The following EDIL3 variants were observed in gnomAD, a reference collection of about 807,000 sequenced individuals.
EDIL3 encodes EGF like and discoidin domains 3.
EDIL3 carries 37 observed loss-of-function variants against 67.4 expected under a neutral mutation model. The ratio of observed to expected loss-of-function variants is 0.55; its 90% CI spans 0.42 to 0.72. The LOEUF is 0.72. Ranked by LOEUF, EDIL3 falls within the 30% of genes least tolerant of loss-of-function variation. The probability of loss-of-function intolerance (pLI) is 0.00; values close to 1 mark genes in which losing one functional copy is unlikely to be tolerated. For missense variants in EDIL3, 527 were observed against 586.3 expected (o/e 0.90, Z 1.04); for synonymous variants, 195 against 196.3 (o/e 0.99, Z 0.05).
At chr5:83,962,855 C>T (rs1744627479) in intron 10 of EDIL3, among the ~76,000 whole-genome samples, 1 of 151,502 alleles carries the variant, frequency 6.6e-6, no homozygotes, top group Non-Finnish European at 1.5e-5. Flanking sequence ...ATGAAAATGA[C>T]AGTGGCATAT....
chr5:84,326,157 C>G (rs1473652932), intron 1 of EDIL3, among the ~76,000 whole-genome samples: 3 of 152,006 alleles, frequency 2.0e-5, no homozygotes, highest in African/African-American at 7.2e-5. Context: ...CCTCTTCCAC[C>G]TTCCACCATG....
At chr5:84,332,852 A>G (rs918850351) in intron 1 of EDIL3, among the ~76,000 whole-genome samples, 1 of 152,234 alleles carries the variant, frequency 6.6e-6, no homozygotes, top group Non-Finnish European at 1.5e-5. Flanking sequence ...TTAATATCAT[A>G]ATAGGTCCCC....
chr5:84,218,941 G>C (rs920195679), intron 3 of EDIL3, among the ~76,000 whole-genome samples: 1 of 152,194 alleles, frequency 6.6e-6, no homozygotes, highest in African/African-American at 2.4e-5. Context: ...CCACCCTGAA[G>C]CAAACGACAC....
At chr5:84,297,725 C>T (rs1471569373) in intron 1 of EDIL3, among the ~76,000 whole-genome samples, 1 of 152,126 alleles carries the variant, frequency 6.6e-6, no homozygotes, top group Admixed American at 6.5e-5. Context: ...ATCAAAAGGG[C>T]CTGTTGCATT....
At chr5:84,124,619 A>G (rs1392561809) in intron 5 of EDIL3, among the ~76,000 whole-genome samples, 1 of 151,944 alleles carries the variant, frequency 6.6e-6, no homozygotes, top group African/African-American at 2.4e-5. Flanking sequence ...TGGCTTATCA[A>G]CTTCATTGGA....
intron 1 of EDIL3, among the ~76,000 whole-genome samples, chr5:84,258,726 T>C (rs1456012157): frequency 6.6e-6 from 1 of 152,168 alleles, no homozygotes; most frequent in African/African-American, 2.4e-5. Context: ...ATTTCCTTTA[T>C]ACGGCCATAA....
At chr5:84,263,162 C>T (rs368780528) in intron 1 of EDIL3, among the ~76,000 whole-genome samples, 1 of 152,022 alleles carries the variant, frequency 6.6e-6, no homozygotes, top group East Asian at 1.9e-4. Context: ...AAATAGTTAC[C>T]ACTGCTTGTT....
At chr5:84,182,161 G>A (rs1749024290) in intron 3 of EDIL3, among the ~76,000 whole-genome samples, 1 of 151,986 alleles carries the variant, frequency 6.6e-6, no homozygotes, top group South Asian at 2.1e-4. Flanking sequence ...ACGAGGTGGT[G>A]CACGCCTGTA....
chr5:84,309,617 G>A (rs1746345385), intron 1 of EDIL3, among the ~76,000 whole-genome samples: 1 of 151,790 alleles, frequency 6.6e-6, no homozygotes, highest in Admixed American at 6.6e-5. Flanking sequence ...CCTTGCGATA[G>A]TTTACTGAGA....
intron 3 of EDIL3, among the ~76,000 whole-genome samples, chr5:84,200,732 C>T (rs1020656946): frequency 3.3e-5 from 5 of 151,920 alleles, no homozygotes; most frequent in African/African-American, 9.7e-5. Context: ...CCAAATTTGG[C>T]CAATGTTAGT....
At chr5:84,338,201 A>G (rs2112173760) in intron 1 of EDIL3, among the ~76,000 whole-genome samples, 1 of 152,276 alleles carries the variant, frequency 6.6e-6, no homozygotes, top group African/African-American at 2.4e-5. Flanking sequence ...TTGGGAATAT[A>G]AGAAGGACTA....
intron 5 of EDIL3, among the ~76,000 whole-genome samples, chr5:84,118,563 T>C (rs1189191371): frequency 6.6e-6 from 1 of 152,116 alleles, no homozygotes; most frequent in East Asian, 1.9e-4. Flanking sequence ...TCATTGGAAT[T>C]TTGGTTAAGG....
chr5:84,082,769 T>C (rs1746992867), intron 6 of EDIL3, among the ~76,000 whole-genome samples: 1 of 152,092 alleles, frequency 6.6e-6, no homozygotes, highest in Non-Finnish European at 1.5e-5. Context: ...ATTCAAAAAA[T>C]GTGTATCAAT....
At chr5:84,041,606 A>G (rs970525921) in intron 9 of EDIL3, among the ~76,000 whole-genome samples, 1 of 148,106 alleles carries the variant, frequency 6.8e-6, no homozygotes, top group African/African-American at 2.5e-5. Context: ...ATATGTATAT[A>G]CACACATATA....
intron 3 of EDIL3, among the ~76,000 whole-genome samples, chr5:84,181,757 C>G (rs1027479782): frequency 1.4e-4 from 21 of 152,136 alleles, no homozygotes; most frequent in Admixed American, 2.6e-4. Flanking sequence ...AGGAAAAGCT[C>G]TCCCTGGGAG....
rs558484747 is a variant in EDIL3 at position 84,126,072 on chromosome 5, A to G, written c.469+11169T>C. Among the ~76,000 whole-genome samples the G allele has an allele frequency of 2.3e-4, 35 of 152,134 alleles. No homozygotes were observed. In the South Asian group the frequency reaches 3.5e-3, roughly 15 times the overall value. On this transcript the variant is annotated intron_variant, in intron 5 of 10. Coordinates refer to ENST00000296591, the MANE Select transcript of EDIL3 (RefSeq NM_005711.5). ...TGACTAAATCTGCACAGTTGAGGAG[A>G]AGCAGGAATGAATTCAATAAAAGCT... is the stretch of plus-strand genomic sequence containing the variant.
At chr5:83,976,679 T>C (rs531067509) in intron 9 of EDIL3, among the ~76,000 whole-genome samples, 59 of 151,898 alleles carry the variant, frequency 3.9e-4, no homozygotes, top group African/African-American at 1.3e-3. Context: ...ACATCGACAA[T>C]ACCTATGTTA....
chr5:84,197,272 C>G (rs758425913), intron 3 of EDIL3, among the ~76,000 whole-genome samples: 2 of 151,856 alleles, frequency 1.3e-5, no homozygotes, highest in Non-Finnish European at 2.9e-5. Context: ...TCTGGGAGGA[C>G]ATAAGAGGAA....
chr5:84,242,845 C>T (rs964467435), intron 2 of EDIL3, among the ~76,000 whole-genome samples: 1 of 148,482 alleles, frequency 6.7e-6, no homozygotes, highest in African/African-American at 2.5e-5. Flanking sequence ...ATTATTTCTT[C>T]GAGTTTGAAA....
Sources: allele counts gnomAD v4.1 joint callset (sites outside exome capture counted in the v4.1 genomes callset), GRCh38; gene constraint gnomAD v4.1.1; transcripts MANE v1.5; gene names NCBI Gene and HGNC (gene_info 2026-07-23, HGNC 2026-07-21).